Variants in SLC26A5 observed in about 807,000 individuals in gnomAD.
SLC26A5 encodes the protein solute carrier family 26 member 5.
In SLC26A5, 51 loss-of-function variants were observed where a neutral mutation model predicts 81.0. The observed-to-expected ratio is 0.63, with a 90% CI of 0.50 to 0.80. The LOEUF is 0.80. Ranked by LOEUF, SLC26A5 falls within the 30% of genes least tolerant of loss-of-function variation. The pLI is 0.00. For synonymous variants in SLC26A5, 325 were observed against 332.8 expected, an observed-to-expected ratio of 0.98 and a Z score of 0.25; for missense variants, 771 against 905.8, an observed-to-expected ratio of 0.85 and a Z score of 1.91.
At chr7:103,420,456 TTTTGTTTTTG>T (rs1479351666) in intron 4 of SLC26A5, among the ~76,000 whole-genome samples, 4 of 151,884 alleles carry the variant, frequency 2.6e-5, no homozygotes, top group Non-Finnish European at 5.9e-5. Context: ...CAGCTATGTT[TTTTGTTTTTG>T]TTTGTTTTTG....
intron 19 of SLC26A5, chr7:103,364,376 G>A (rs545478396): frequency 4.3e-5 from 67 of 1,557,764 alleles, no homozygotes; most frequent in Non-Finnish European, 5.7e-5. Flanking sequence ...AATTAAAAAT[G>A]GCACTTCTGC....
intron 14 of SLC26A5, among the ~76,000 whole-genome samples, chr7:103,381,754 C>T (rs1821813231): frequency 6.6e-6 from 1 of 150,618 alleles, no homozygotes; most frequent in African/African-American, 2.5e-5. Flanking sequence ...ACCACATACC[C>T]CTCATACCAC....
chr7:103,397,590 G>A (rs111609105), intron 9 of SLC26A5, among the ~76,000 whole-genome samples: 6,751 of 140,946 alleles, frequency 0.048, 516 homozygotes, highest in African/African-American at 0.17. Flanking sequence ...GGTAGCATAC[G>A]CCTGTAATCC....
At chr7:103,397,334 A>T (rs1196472081) in intron 9 of SLC26A5, among the ~76,000 whole-genome samples, 2 of 151,348 alleles carry the variant, frequency 1.3e-5, no homozygotes, top group Non-Finnish European at 2.9e-5. Context: ...GAGGTCAGGA[A>T]ATTGAGACCA....
At chr7:103,403,099 C>T (rs1823740398) in intron 8 of SLC26A5, among the ~76,000 whole-genome samples, 1 of 152,104 alleles carries the variant, frequency 6.6e-6, no homozygotes, top group African/African-American at 2.4e-5. Flanking sequence ...TTTCAAATAA[C>T]TTATTTATTT....
At chr7:103,391,783 G>GAA in intron 10 of SLC26A5, 48 bp from the exon 11 acceptor site, 1 of 1,474,890 alleles carries the variant, frequency 6.8e-7, no homozygotes, top group Non-Finnish European at 9.4e-7. Context: ...CATTCTTCAG[G>GAA]AAAAAAAAGC....
chr7:103,363,339 C>T, intron 19 of SLC26A5: 3 of 1,608,700 alleles, frequency 1.9e-6, no homozygotes, highest in Non-Finnish European at 2.6e-6. Context: ...CTGTCCCTCT[C>T]TTAGGTGGAA....
chr7:103,353,789 C>A (rs71572234), intron 19 of SLC26A5: 30,229 of 754,314 alleles, frequency 0.04, 744 homozygotes, highest in Non-Finnish European at 0.053. Flanking sequence ...TATGTATCAT[C>A]ATAATCTTGC....
intron 2 of SLC26A5, among the ~76,000 whole-genome samples, chr7:103,437,334 G>A (rs1826523127): frequency 6.6e-6 from 1 of 152,192 alleles, no homozygotes; most frequent in South Asian, 2.1e-4. Context: ...TTGTTGGTGG[G>A]AGTGTATATT....
chr7:103,409,722 T>A (rs13234852), intron 7 of SLC26A5, among the ~76,000 whole-genome samples: 1 of 152,124 alleles, frequency 6.6e-6, no homozygotes, highest in Non-Finnish European at 1.5e-5. Flanking sequence ...TTTGTTTTTT[T>A]TTTGAGACAG....
At chr7:103,407,821 C>G (rs1257622559) in intron 8 of SLC26A5, 30 bp downstream of exon 8, 2 of 1,612,286 alleles carry the variant, frequency 1.2e-6, no homozygotes, top group Non-Finnish European at 1.7e-6. Flanking sequence ...TTGTAGAAGC[C>G]GAGTAGGTCA....
chr7:103,366,994 G>T (rs111699781), intron 19 of SLC26A5, among the ~76,000 whole-genome samples: 1 of 152,048 alleles, frequency 6.6e-6, no homozygotes, highest in Non-Finnish European at 1.5e-5. Context: ...TAGTAGAGAC[G>T]TGGTTTCACC....
At chr7:103,391,537 T>C in intron 11 of SLC26A5, 85 bp downstream of exon 11, 1 of 1,115,978 alleles carries the variant, frequency 9.0e-7, no homozygotes, top group South Asian at 1.3e-5. Context: ...CAGAGTAGCT[T>C]TGTTTGGGTT....
chr7:103,438,243 G>A (rs933845678), intron 2 of SLC26A5, among the ~76,000 whole-genome samples: 1 of 151,946 alleles, frequency 6.6e-6, no homozygotes, highest in Non-Finnish European at 1.5e-5. Context: ...GCAGGTTAGT[G>A]GATATGTTAG....
intron 14 of SLC26A5, among the ~76,000 whole-genome samples, chr7:103,383,848 A>C (rs1022951214): frequency 2.0e-5 from 3 of 151,976 alleles, no homozygotes; most frequent in Non-Finnish European, 4.4e-5. Context: ...CCAACTAAAA[A>C]ATTTTGTAGG....
intron 19 of SLC26A5, 113 bp from the exon 20 acceptor site, chr7:103,374,705 CT>C (rs1021508704): frequency 0.1 from 74,743 of 715,148 alleles, no homozygotes; most frequent in South Asian, 0.15. Flanking sequence ...TTTTTTGTTT[CT>C]TTTTTTTTTT....
Position 103,441,491 on chromosome 7 carries a change from G to T in SLC26A5, c.-54+1592C>A, listed in dbSNP as rs574609327. Among the ~76,000 whole-genome samples, 118 of 152,236 alleles carry T rather than the reference G, an allele frequency of 7.8e-4. 1 individual carries two copies. Among genetic ancestry groups the T allele is most frequent in the African/African-American group, 2.8e-3 (115 of 41,538 alleles). ...GCTCTTTTTCTCCTCTCCCAGTTCTGGTAACTCAATAGTCTTCAACTACTT... is the reference window on the plus strand; with the variant it reads ...GCTCTTTTTCTCCTCTCCCAGTTCTTGTAACTCAATAGTCTTCAACTACTT... On this transcript the variant is annotated intron_variant, in intron 2 of 19. Coordinates refer to ENST00000306312, the MANE Select transcript of SLC26A5 (RefSeq NM_198999.3).
chr7:103,445,667 G>A (rs1302155244), intron 1 of SLC26A5: 1 of 152,414 alleles, frequency 6.6e-6, no homozygotes, highest in Non-Finnish European at 1.5e-5. Context: ...GGCACAGGAG[G>A]AGGCAGGGCC....
chr7:103,393,445 G>A (rs1822835852), intron 9 of SLC26A5, among the ~76,000 whole-genome samples: 1 of 152,120 alleles, frequency 6.6e-6, no homozygotes. Context: ...CAAGTCTTGG[G>A]GTGGGGAGGA....
Sources: allele counts gnomAD v4.1 joint callset (sites outside exome capture counted in the v4.1 genomes callset), GRCh38; gene constraint gnomAD v4.1.1; transcripts MANE v1.5; gene names NCBI Gene and HGNC (gene_info 2026-07-23, HGNC 2026-07-21).